The following INTS10 variants were observed in gnomAD, a reference collection of about 807,000 sequenced individuals.
INTS10 encodes the protein chromosome 8 open reading frame 35.
Under a neutral mutation model 94.4 loss-of-function variants are expected in INTS10, and 44 were observed. The ratio of observed to expected loss-of-function variants is 0.47; its 90% CI spans 0.37 to 0.60. The LOEUF (loss-of-function observed/expected upper bound fraction) is 0.60, where lower values mean the gene tolerates loss of function less well. Among genes scored for constraint, INTS10 ranks in the 20% least tolerant of loss-of-function variants. INTS10 has a pLI of 0.00. For synonymous variants in INTS10, 341 were observed against 320.7 expected (o/e 1.06, Z -0.68); for missense variants, 797 against 868.7 (o/e 0.92, Z 1.04).
chr8:19,848,272 G>A (rs951391727), intron 16 of INTS10, among the ~76,000 whole-genome samples: 2 of 152,134 alleles, frequency 1.3e-5, no homozygotes, highest in African/African-American at 4.8e-5. Context: ...ACTTCTCCCC[G>A]GGGGTAAGGC....
chr8:19,823,921 A>G lies in INTS10; in HGVS notation c.713A>G (p.Gln238Arg), dbSNP rs868537730. 1 of 1,613,422 alleles carries G rather than the reference A, an allele frequency of 6.2e-7. No homozygotes were observed. The change falls in exon 7 of 17, where the codon CAG becomes CGG. Residue 238 changes from glutamine to arginine, a missense_variant. Physicochemically the swap from Gln to Arg is conservative, Grantham distance 43 (BLOSUM62 1). Around this residue, in one of 3 missense-constraint regions of INTS10, gnomAD observed 734 missense variants for 787.8 expected, o/e 0.93. Coordinates refer to ENST00000397977, the MANE Select transcript of INTS10 (RefSeq NM_018142.4). ...DLMSPSKRSS[Q>R]KYIIEGLTEK... ...ATGTCACCTAGCAAACGTAGCTCTCAGAAGTACATAATAGAAGGGCTGACG... is the reference window on the plus strand; with the variant it reads ...ATGTCACCTAGCAAACGTAGCTCTCGGAAGTACATAATAGAAGGGCTGACG...
intron 9 of INTS10, among the ~76,000 whole-genome samples, chr8:19,828,951 G>A (rs1157301611): frequency 6.6e-6 from 1 of 152,094 alleles, no homozygotes; most frequent in Non-Finnish European, 1.5e-5. Context: ...AGTGGGGTAG[G>A]GAAAAGTCAC....
Position 19,817,452 on chromosome 8 carries a change from C to CGGCGGCGGCGGCGGT in INTS10, c.-78_-77insCGGCGGTGGCGGCGG. The CGGCGGCGGCGGCGGT allele has an allele frequency of 6.6e-7, 1 of 1,517,414 alleles. No individual in the cohort carries two copies. The highest frequency in any genetic ancestry group is 8.8e-7 in the Non-Finnish European group (1 of 1,133,372). 94.0% of individuals were successfully genotyped at this position (1,517,414 alleles called of 1,614,324 possible). Reference sequence around the variant, plus strand: ...GTAGCCTCCCCCGCGGTGGCGGCGGCGGCGGCGGTGGCTGCCGTGGCGGCT... The same window carrying CGGCGGCGGCGGCGGT: ...GTAGCCTCCCCCGCGGTGGCGGCGGCGGCGGCGGCGGCGGTGGCGGCGGTGGCTGCCGTGGCGGCT... On this transcript the variant is annotated 5_prime_UTR_variant, in exon 1 of 17. Transcript: ENST00000397977.
chr8:19,823,559 C>A, intron 6 of INTS10, 118 bp downstream of exon 6: 2 of 752,562 alleles, frequency 2.7e-6, no homozygotes, highest in Non-Finnish European at 4.3e-6. Context: ...GGGAGTGTTT[C>A]AAAAGATGGT....
chr8:19,839,451 G>A (rs369838380), intron 13 of INTS10, among the ~76,000 whole-genome samples: 2 of 152,118 alleles, frequency 1.3e-5, no homozygotes, highest in African/African-American at 2.4e-5. Context: ...TGTAATCCCC[G>A]CACTTTGAGA....
At chr8:19,820,271 C>A in intron 3 of INTS10, 108 bp from the exon 4 acceptor site, 1 of 1,038,976 alleles carries the variant, frequency 9.6e-7, no homozygotes, top group Non-Finnish European at 1.3e-6. Flanking sequence ...GCATTGATTT[C>A]ACATGTAGTG....
At chr8:19,848,816 A>C (rs939576505) in intron 16 of INTS10, 4 of 161,424 alleles carry the variant, frequency 2.5e-5, no homozygotes, top group Admixed American at 1.8e-4. Context: ...GGCTTTGAAA[A>C]TGTGTCTTCT....
chr8:19,826,321 A>G (rs111442910), intron 8 of INTS10, 105 bp from the exon 9 acceptor site: 86,779 of 1,188,448 alleles, frequency 0.073, 3,401 homozygotes, highest in Non-Finnish European at 0.078. Flanking sequence ...AGCTCAGGCA[A>G]TCCTCCTGCC....
In INTS10 at chr8:19,849,136, A is replaced by T; in HGVS notation, c.1977-2513A>T. 1.6e-6 allele frequency: 2 copies of T among 1,226,770 alleles called. No homozygotes were observed. Among genetic ancestry groups the T allele is most frequent in the Non-Finnish European group, 2.1e-6 (2 of 931,486 alleles). 76.0% of individuals were successfully genotyped at this position (1,226,770 alleles called of 1,614,324 possible). On this transcript the variant is annotated intron_variant, in intron 16 of 16. Transcript: ENST00000397977. This position sits in a 1 kb window ranked among gnomAD's most constrained non-coding sequence, Gnocchi z 4.6. Reference sequence around the variant, plus strand: ...AGGGTGAGTCGGTGTGGGTGTTTGAATGCTGCTGTTTGCTGTTTTTTAAAG... The same window carrying T: ...AGGGTGAGTCGGTGTGGGTGTTTGATTGCTGCTGTTTGCTGTTTTTTAAAG...
intron 15 of INTS10, among the ~76,000 whole-genome samples, chr8:19,844,982 T>C (rs1452402442): frequency 6.6e-6 from 1 of 152,008 alleles, no homozygotes; most frequent in Non-Finnish European, 1.5e-5. Context: ...ACTGCAGTCT[T>C]AAACTCCTGG....
chr8:19,837,314 A>C, intron 13 of INTS10, 154 bp downstream of exon 13: 1 of 598,824 alleles, frequency 1.7e-6, no homozygotes, highest in Non-Finnish European at 3.0e-6. Flanking sequence ...ATGTAGTGAG[A>C]CCCCATCTCT....
intron 7 of INTS10, 64 bp from the exon 8 acceptor site, chr8:19,824,739 C>T (rs2066657503): frequency 2.5e-6 from 3 of 1,195,800 alleles, no homozygotes; most frequent in Middle Eastern, 2.8e-4. Context: ...CAGAGCTTTT[C>T]TCTAGACTTC....
Position 19,823,355 on chromosome 8 carries a change from A to G in INTS10, c.578A>G (p.Asn193Ser). 6.2e-7 allele frequency: 1 copy of G among 1,603,520 alleles called. No homozygotes were observed. The highest frequency in any genetic ancestry group is 8.5e-7 in the Non-Finnish European group (1 of 1,170,384). The stretch of plus-strand genomic sequence containing the variant: ...AACCATGATGTTCGATTACCTGCCA[A>G]TTTATTGTATAAGTACTTGAACAAA... ...INNHDVRLPA[N>S]LLYKYLNKAA... Residue 193 changes from asparagine (N) to serine (S), a missense_variant, in exon 6 of 17, where the codon AAT (asparagine) becomes AGT (serine). This residue lies in a region of INTS10 where 734 missense variants were observed against 787.8 expected (regional missense o/e 0.93). Coordinates refer to ENST00000397977, the MANE Select transcript of INTS10 (RefSeq NM_018142.4).
intron 8 of INTS10, among the ~76,000 whole-genome samples, chr8:19,825,919 A>G (rs1372447092): frequency 6.6e-6 from 1 of 152,108 alleles, no homozygotes; most frequent in Non-Finnish European, 1.5e-5. Context: ...ATCTTTAACA[A>G]TTTGGTATAT....
At chr8:19,850,497 C>A (rs200999936) in intron 16 of INTS10, among the ~76,000 whole-genome samples, 2 of 150,114 alleles carry the variant, frequency 1.3e-5, no homozygotes, top group Non-Finnish European at 3.0e-5. Flanking sequence ...TTTTTTTTTT[C>A]TTTTCATCTG....
chr8:19,826,110 C>T (rs1045255148), intron 8 of INTS10, among the ~76,000 whole-genome samples: 4 of 152,134 alleles, frequency 2.6e-5, no homozygotes, highest in Non-Finnish European at 4.4e-5. Flanking sequence ...TTTTAAGTCT[C>T]GCTCTGTCGC....
At chr8:19,833,429 CT>C in intron 12 of INTS10, 108 bp downstream of exon 12, 1 of 755,668 alleles carries the variant, frequency 1.3e-6, no homozygotes, top group Non-Finnish European at 1.9e-6. Context: ...TCAATTTGAT[CT>C]TTCTGCCTAG....
At chr8:19,832,337 C>T (rs976277858) in intron 11 of INTS10, among the ~76,000 whole-genome samples, 8 of 152,042 alleles carry the variant, frequency 5.3e-5, no homozygotes, top group Admixed American at 3.3e-4. Context: ...TTTGGGAGGC[C>T]GAGGTGGGAG....
At position 19,838,886 on chromosome 8, in the gene INTS10, A is replaced by G. The variant is rs147290688; in HGVS notation, c.1639+1726A>G. 6.5e-3 allele frequency among the ~76,000 whole-genome samples: 990 copies of G among 152,176 alleles called. 42 individuals are homozygous for G. The highest frequency in any genetic ancestry group is 0.058 in the Admixed American group (880 of 15,286). Reference sequence around the variant, plus strand: ...GGAGATAGAGACCATCCTTGCTAATATGGTGAAACTCCATCTCTACTAAGA... The same window carrying G: ...GGAGATAGAGACCATCCTTGCTAATGTGGTGAAACTCCATCTCTACTAAGA... On this transcript the variant is annotated intron_variant, in intron 13 of 16. Transcript: ENST00000397977.
Sources: allele counts gnomAD v4.1 joint callset (sites outside exome capture counted in the v4.1 genomes callset), GRCh38; gene constraint gnomAD v4.1.1; regional missense constraint gnomAD v4.1.1; non-coding constraint Gnocchi (gnomAD v3.1); transcripts MANE v1.5; gene names NCBI Gene and HGNC (gene_info 2026-07-23, HGNC 2026-07-21).